RALYL: variants seen among roughly 807,000 people sequenced by gnomAD.
RALYL encodes the protein RNA-binding Raly-like protein.
A neutral mutation model predicts 35.1 loss-of-function variants in RALYL; 29 were observed. The ratio of observed to expected loss-of-function variants is 0.83; its 90% CI spans 0.61 to 1.13. The LOEUF (loss-of-function observed/expected upper bound fraction) is 1.13. RALYL is among the 50% of genes most tolerant of loss of function. The probability of loss-of-function intolerance (pLI) is 0.00; values close to 1 mark genes in which losing one functional copy is unlikely to be tolerated. For missense variants in RALYL, 359 were observed against 360.4 expected, an observed-to-expected ratio of 1.00 and a Z score of 0.03; for synonymous variants, 120 against 127.6, an observed-to-expected ratio of 0.94 and a Z score of 0.40.
chr8:84,909,201 A>G (rs1486148522), intron 8 of RALYL, among the ~76,000 whole-genome samples: 1 of 152,184 alleles, frequency 6.6e-6, no homozygotes, highest in East Asian at 1.9e-4. Flanking sequence ...CACAATGAAA[A>G]GAACACTTAA....
At chr8:84,329,511 T>C (rs1846422743) in intron 1 of RALYL, among the ~76,000 whole-genome samples, 1 of 152,130 alleles carries the variant, frequency 6.6e-6, no homozygotes, top group East Asian at 1.9e-4. Flanking sequence ...TAGACCTTTG[T>C]TAGATGCATA....
chr8:84,526,363 T>C (rs927845267), intron 1 of RALYL, among the ~76,000 whole-genome samples: 3 of 152,146 alleles, frequency 2.0e-5, no homozygotes, highest in Non-Finnish European at 4.4e-5. Flanking sequence ...GCTAGGGTGG[T>C]CACAGAATAC....
intron 2 of RALYL, among the ~76,000 whole-genome samples, chr8:84,670,975 GTCCCT>G (rs1443154339): frequency 6.6e-6 from 1 of 152,128 alleles, no homozygotes; most frequent in African/African-American, 2.4e-5. Flanking sequence ...GACAAGGCCA[GTCCCT>G]TCTGTTTAGA....
intron 1 of RALYL, among the ~76,000 whole-genome samples, chr8:84,361,564 A>C (rs974044997): frequency 6.6e-6 from 1 of 152,206 alleles, no homozygotes; most frequent in Non-Finnish European, 1.5e-5. Context: ...GCCATAATTC[A>C]TCTGAAAAGC....
intron 8 of RALYL, among the ~76,000 whole-genome samples, chr8:84,900,248 G>GA (rs1042090779): frequency 6.6e-6 from 1 of 152,024 alleles, no homozygotes; most frequent in East Asian, 1.9e-4. Flanking sequence ...ACAAAAATAG[G>GA]AAAAAATAGT....
At chr8:84,699,739 C>A (rs1033592462) in intron 2 of RALYL, among the ~76,000 whole-genome samples, 1 of 152,120 alleles carries the variant, frequency 6.6e-6, no homozygotes, top group Non-Finnish European at 1.5e-5. Context: ...ACTATATAAT[C>A]ACTTCCATAT....
chr8:84,379,216 T>G (rs1379776948), intron 1 of RALYL, among the ~76,000 whole-genome samples: 1 of 151,962 alleles, frequency 6.6e-6, no homozygotes, highest in African/African-American at 2.4e-5. Context: ...GAAGATACAA[T>G]TTTAGTAATC....
chr8:84,408,025 T>G (rs868470933), intron 1 of RALYL, among the ~76,000 whole-genome samples: 1 of 152,116 alleles, frequency 6.6e-6, no homozygotes, highest in Non-Finnish European at 1.5e-5. Flanking sequence ...ATTTTAGTCA[T>G]TAGCCTAATA....
intron 2 of RALYL, among the ~76,000 whole-genome samples, chr8:84,727,471 T>C (rs966633020): frequency 1.3e-5 from 2 of 152,082 alleles, no homozygotes; most frequent in Non-Finnish European, 2.9e-5. Context: ...TTTTTTATTT[T>C]ATTTTTTATT....
intron 2 of RALYL, among the ~76,000 whole-genome samples, chr8:84,563,713 T>C (rs2061604139): frequency 6.6e-6 from 1 of 151,870 alleles, no homozygotes; most frequent in Non-Finnish European, 1.5e-5. Context: ...TTTAAAAAGA[T>C]GTCTCCCTGT....
At chr8:84,806,122 A>C (rs1228977091) in intron 4 of RALYL, among the ~76,000 whole-genome samples, 1 of 152,230 alleles carries the variant, frequency 6.6e-6, no homozygotes, top group Non-Finnish European at 1.5e-5. Context: ...TCTTCATAAA[A>C]GCTTTTCAGA....
intron 2 of RALYL, among the ~76,000 whole-genome samples, chr8:84,760,356 C>G (rs1202450099): frequency 1.3e-5 from 2 of 151,894 alleles, no homozygotes; most frequent in African/African-American, 4.8e-5. Flanking sequence ...TTATGTTATA[C>G]AAATAATTTA....
intron 7 of RALYL, among the ~76,000 whole-genome samples, chr8:84,882,382 C>T (rs1262048874): frequency 2.0e-5 from 3 of 152,008 alleles, no homozygotes; most frequent in African/African-American, 7.2e-5. Flanking sequence ...TAAACACAAA[C>T]AATTTTCTTC....
At chr8:84,614,413 A>G (rs1038851590) in intron 2 of RALYL, among the ~76,000 whole-genome samples, 2 of 151,746 alleles carry the variant, frequency 1.3e-5, no homozygotes, top group African/African-American at 4.9e-5. Flanking sequence ...AGAAGGACAC[A>G]TAAGAGATGG....
intron 1 of RALYL, among the ~76,000 whole-genome samples, chr8:84,467,563 G>A (rs571343685): frequency 2.7e-5 from 4 of 147,228 alleles, no homozygotes; most frequent in Non-Finnish European, 6.1e-5. Flanking sequence ...TTACTTCCAA[G>A]TATGTGGTCA....
At chr8:84,664,403 A>C (rs1410292224) in intron 2 of RALYL, among the ~76,000 whole-genome samples, 1 of 150,732 alleles carries the variant, frequency 6.6e-6, no homozygotes, top group Non-Finnish European at 1.5e-5. Context: ...ATAGCATTGA[A>C]TTTATAAATT....
chr8:84,672,348 C>T (rs1588913213), intron 2 of RALYL, among the ~76,000 whole-genome samples: 1 of 152,296 alleles, frequency 6.6e-6, no homozygotes, highest in East Asian at 1.9e-4. Flanking sequence ...TTTCCCACAT[C>T]TTGTCTTATG....
At chr8:84,646,447 T>C (rs1254078314) in intron 2 of RALYL, among the ~76,000 whole-genome samples, 1 of 152,088 alleles carries the variant, frequency 6.6e-6, no homozygotes, top group Admixed American at 6.6e-5. Context: ...GGATATTTAA[T>C]TTAGTTTGGG....
At chr8:84,656,019 T>C (rs145069062) in intron 2 of RALYL, among the ~76,000 whole-genome samples, 1 of 152,316 alleles carries the variant, frequency 6.6e-6, no homozygotes, top group East Asian at 1.9e-4. Context: ...TGCTACCTAC[T>C]CGAAATGAAT....
Sources: gnomAD v4.1 joint callset for allele counts (sites outside exome capture counted in the v4.1 genomes callset) on GRCh38, gnomAD v4.1.1 for gene constraint, MANE v1.5 for transcripts, NCBI Gene and HGNC (gene_info 2026-07-23, HGNC 2026-07-21) for gene names.